Variants in MED12L observed in about 807,000 individuals in gnomAD.
The protein encoded by MED12L is mediator complex subunit 12L, also known as mediator of RNA polymerase II transcription subunit 12-like protein.
Under a neutral mutation model 281.3 loss-of-function variants are expected in MED12L, and 60 were observed. The observed-to-expected ratio is 0.21, with a 90% confidence interval of 0.17 to 0.26. The LOEUF (loss-of-function observed/expected upper bound fraction) is 0.26, where lower values mean the gene tolerates loss of function less well. MED12L is among the 10% of genes least tolerant of loss of function. The pLI is 1.00. For missense variants in MED12L, 2,146 were observed against 2,680.9 expected (o/e 0.80, Z 4.41); for synonymous variants, 974 against 987.2 (o/e 0.99, Z 0.25).
At chr3:151,357,401 G>A in intron 20 of MED12L, 25 bp downstream of exon 20, 2 of 1,536,718 alleles carry the variant, frequency 1.3e-6, no homozygotes, top group Non-Finnish European at 8.8e-7. Flanking sequence ...TGTCATTGTT[G>A]TTTTTCCAAT....
At chr3:151,242,288 T>C (rs1734316490) in intron 16 of MED12L, among the ~76,000 whole-genome samples, 1 of 152,238 alleles carries the variant, frequency 6.6e-6, no homozygotes, top group African/African-American at 2.4e-5. Flanking sequence ...CAAGGAGGCC[T>C]GCCTGCCTCT....
chr3:151,369,310 A>G, intron 25 of MED12L, 126 bp from the exon 26 acceptor site: 1 of 553,444 alleles, frequency 1.8e-6, no homozygotes. Flanking sequence ...ATGAAGCATC[A>G]ATTAAAGCAA....
chr3:151,338,679 T>A (rs780489513), intron 16 of MED12L: 1 of 1,613,636 alleles, frequency 6.2e-7, no homozygotes, highest in South Asian at 1.1e-5. Context: ...AAAGTTTGAT[T>A]TACTCCGGAT....
At chr3:151,390,258 C>G (rs1348143371) in intron 38 of MED12L, 123 bp downstream of exon 38, 2 of 861,234 alleles carry the variant, frequency 2.3e-6, no homozygotes, top group East Asian at 2.5e-5. Context: ...GTTGACATTT[C>G]TGTAATTCCC....
Position 151,432,740 on chromosome 3 carries a change from T to A in MED12L, c.6491-12T>A. 1 of 1,611,150 alleles carries A rather than the reference T, an allele frequency of 6.2e-7. No homozygotes were observed. Among genetic ancestry groups the A allele is most frequent in the Non-Finnish European group, 8.5e-7 (1 of 1,178,250 alleles). ...TGTCTGTAATTTTGGTTCAATTTAT[T>A]TTTCTCCTTAGGCAACCAGCCACAG... On this transcript the variant is annotated splice_polypyrimidine_tract_variant and intron_variant, in intron 44 of 44. Transcript: ENST00000687756.
intron 5 of MED12L, among the ~76,000 whole-genome samples, chr3:151,147,204 C>T (rs1717864195): frequency 6.6e-6 from 1 of 152,132 alleles, no homozygotes; most frequent in African/African-American, 2.4e-5. Context: ...CTCTCTGTCT[C>T]CCCCCACCTG....
rs551579426 is a variant in MED12L, at chr3:151,420,176, G to A, written c.6408+3754G>A. ...ACAGGGCATAGTAACACTAAGAGAC[G>A]CCCTAATGGATCTCGTGTATTCCAT... On this transcript the variant is annotated intron_variant, in intron 43 of 44. Coordinates refer to ENST00000687756, the MANE Select transcript of MED12L (RefSeq NM_001393769.1). Among the ~76,000 whole-genome samples the A allele has an allele frequency of 7.2e-5, 11 of 152,232 alleles. No individual in the cohort carries two copies. In the East Asian group the frequency reaches 1.5e-3, roughly 21 times the overall value.
chr3:151,280,425 A>T (rs2149609908), intron 16 of MED12L, among the ~76,000 whole-genome samples: 1 of 152,284 alleles, frequency 6.6e-6, no homozygotes, highest in Non-Finnish European at 1.5e-5. Context: ...CTTTTTCTTA[A>T]TAGACAAGGA....
chr3:151,288,545 C>A (rs907239379), intron 16 of MED12L, among the ~76,000 whole-genome samples: 3 of 152,114 alleles, frequency 2.0e-5, no homozygotes, highest in African/African-American at 7.2e-5. Context: ...ATGTATAGAT[C>A]CAAGCATTTG....
chr3:151,238,723 C>CT (rs1733434360), intron 16 of MED12L, among the ~76,000 whole-genome samples: 1 of 152,098 alleles, frequency 6.6e-6, no homozygotes, highest in Admixed American at 6.5e-5. Flanking sequence ...TTACCAATTG[C>CT]TTAATAAAGC....
intron 2 of MED12L, among the ~76,000 whole-genome samples, chr3:151,088,812 G>A (rs1719628687): frequency 6.6e-6 from 1 of 152,184 alleles, no homozygotes; most frequent in South Asian, 2.1e-4. Flanking sequence ...AAGCAGAGGA[G>A]TTGTACCACC....
chr3:151,268,663 G>A (rs1287867739), intron 16 of MED12L, among the ~76,000 whole-genome samples: 1 of 152,182 alleles, frequency 6.6e-6, no homozygotes, highest in East Asian at 1.9e-4. Flanking sequence ...TGAGCATAGA[G>A]CCTTTAGTAA....
chr3:151,266,608 C>G (rs1739880220), intron 16 of MED12L, among the ~76,000 whole-genome samples: 1 of 152,124 alleles, frequency 6.6e-6, no homozygotes, highest in Admixed American at 6.5e-5. Flanking sequence ...ACATTCTTTC[C>G]TATTCTAGTA....
intron 5 of MED12L, among the ~76,000 whole-genome samples, chr3:151,134,529 T>C (rs910019141): frequency 1.1e-4 from 17 of 152,236 alleles, no homozygotes; most frequent in African/African-American, 3.4e-4. Context: ...CTCTAGGTAT[T>C]TGCAGTATGA....
At chr3:151,328,785 T>C (rs778773836) in intron 16 of MED12L, 1 of 1,613,970 alleles carries the variant, frequency 6.2e-7, no homozygotes, top group Non-Finnish European at 8.5e-7. Context: ...AGTGTCATTA[T>C]CAAGTCGGCC....
rs760938181 is a variant in MED12L, at chr3:151,367,625, C to T, written c.3328-21C>T. 36 of 1,591,628 alleles carry T rather than the reference C, an allele frequency of 2.3e-5. No individual in the cohort carries two copies. In the East Asian group the frequency reaches 4.3e-4, roughly 19 times the overall value. On this transcript the variant is annotated intron_variant, in intron 23 of 44. Transcript: ENST00000687756. ...TTACAAGGTTGTTAGGTATTAAAAC[C>T]TGTCAATGTTTTTCTTGAAGGTGAG...
chr3:151,419,822 T>G (rs1577609269), intron 43 of MED12L, among the ~76,000 whole-genome samples: 1 of 152,134 alleles, frequency 6.6e-6, no homozygotes, highest in East Asian at 1.9e-4. Flanking sequence ...TGATATGAAG[T>G]CAGTAAATCC....
At chr3:151,203,411 CTT>C (rs35357625) in intron 16 of MED12L, among the ~76,000 whole-genome samples, 7,599 of 139,272 alleles carry the variant, frequency 0.055, 266 homozygotes, top group Middle Eastern at 0.096. Context: ...AGTACCTAGC[CTT>C]TTTTTTTTTT....
intron 5 of MED12L, among the ~76,000 whole-genome samples, chr3:151,133,698 A>G (rs1047504091): frequency 2.0e-5 from 3 of 152,146 alleles, no homozygotes; most frequent in Non-Finnish European, 4.4e-5. Flanking sequence ...GAAATAATGC[A>G]TGTTCGGTTT....
Sources: allele counts gnomAD v4.1 joint callset (sites outside exome capture counted in the v4.1 genomes callset), GRCh38; gene constraint gnomAD v4.1.1; transcripts MANE v1.5; gene names NCBI Gene and HGNC (gene_info 2026-07-23, HGNC 2026-07-21).